PIKFYVE: variants seen among roughly 807,000 people sequenced by gnomAD.
PIKFYVE encodes phosphoinositide kinase, FYVE-type zinc finger containing.
In PIKFYVE, 122 loss-of-function variants were observed where a neutral mutation model predicts 257.9. That is an observed-to-expected ratio of 0.47 (90% CI 0.41 to 0.55). The LOEUF is 0.55. Among genes scored for constraint, PIKFYVE ranks in the 20% least tolerant of loss-of-function variants. The probability of loss-of-function intolerance (pLI) is 0.00; values close to 1 mark genes in which losing one functional copy is unlikely to be tolerated. For missense variants in PIKFYVE, 2,160 were observed against 2,536.6 expected, an observed-to-expected ratio of 0.85 and a Z score of 3.19; for synonymous variants, 892 against 868.9, an observed-to-expected ratio of 1.03 and a Z score of -0.47.
intron 12 of PIKFYVE, chr2:208,305,466 AT>A: frequency 1.1e-6 from 1 of 943,198 alleles, no homozygotes; most frequent in Non-Finnish European, 1.3e-6. Flanking sequence ...TCATTCACAC[AT>A]TCCAAAATAT....
At chr2:208,316,724 T>G (rs1695566644) in intron 15 of PIKFYVE, among the ~76,000 whole-genome samples, 2 of 152,302 alleles carry the variant, frequency 1.3e-5, no homozygotes, top group Admixed American at 1.3e-4. Flanking sequence ...GCTACCTGAC[T>G]TCAAACTATA....
At chr2:208,312,072 A>G (rs941362762) in intron 12 of PIKFYVE, among the ~76,000 whole-genome samples, 164 bp from the exon 13 acceptor site, 1 of 152,236 alleles carries the variant, frequency 6.6e-6, no homozygotes, top group Non-Finnish European at 1.5e-5. Context: ...ACAAGTATAA[A>G]GAGGCATTTT....
At chr2:208,299,273 C>G (rs1693381953) in intron 8 of PIKFYVE, among the ~76,000 whole-genome samples, 1 of 151,848 alleles carries the variant, frequency 6.6e-6, no homozygotes, top group African/African-American at 2.4e-5. Context: ...TTAATATTTT[C>G]TTTTCTTTCT....
At chr2:208,349,973 A>G (rs1002265072) in intron 35 of PIKFYVE, 51 bp from the exon 36 acceptor site, 25 of 1,604,956 alleles carry the variant, frequency 1.6e-5, no homozygotes, top group Non-Finnish European at 2.0e-5. Flanking sequence ...GACAAAATGA[A>G]CTGATAATTA....
chr2:208,301,848 TACAC>T (rs919500442), intron 9 of PIKFYVE, among the ~76,000 whole-genome samples: 1 of 152,036 alleles, frequency 6.6e-6, no homozygotes, highest in African/African-American at 2.4e-5. Flanking sequence ...TATATATATA[TACAC>T]ACACACACAT....
At chr2:208,266,966 T>C (rs1688720233) in intron 1 of PIKFYVE, among the ~76,000 whole-genome samples, 2 of 152,244 alleles carry the variant, frequency 1.3e-5, no homozygotes, top group Admixed American at 1.3e-4. Flanking sequence ...TACCCTTTGC[T>C]TAGAATGTTC....
At chr2:208,284,692 TTAA>T in intron 5 of PIKFYVE, among the ~76,000 whole-genome samples, 1 of 152,222 alleles carries the variant, frequency 6.6e-6, no homozygotes, top group East Asian at 1.9e-4. Context: ...AATAAAGACC[TTAA>T]TAATATTTTC....
At chr2:208,320,950 C>T (rs34408456) in intron 17 of PIKFYVE, among the ~76,000 whole-genome samples, 25,104 of 152,186 alleles carry the variant, frequency 0.16, 2,304 homozygotes, top group South Asian at 0.26. Flanking sequence ...ACCCGCATCT[C>T]TGTGTGGTTC....
At chr2:208,314,267 T>A (rs1243415916) in intron 13 of PIKFYVE, 27 bp from the exon 14 acceptor site, 1 of 1,603,520 alleles carries the variant, frequency 6.2e-7, no homozygotes, top group Non-Finnish European at 8.5e-7. Flanking sequence ...AATGAAGTAA[T>A]AACTTCTTAT....
Position 208,271,654 on chromosome 2 carries a change from T to C in PIKFYVE, c.135T>C (p.Ala45=). ...AAGATGAGCCCCCTTTTAAATCAGC[T>C]TATAGTTCTTTTGTAAATCTCTTTC... ...PDQDEPPFKS[A]YSSFVNLFRF... is the part of the protein sequence containing the mutation. The change falls in exon 2 of 42, where the codon GCT becomes GCC. Residue 45 remains alanine, a synonymous_variant. Transcript: ENST00000264380. 2 of 1,613,972 alleles carry C rather than the reference T, an allele frequency of 1.2e-6. No individual in the cohort carries two copies. Among genetic ancestry groups the C allele is most frequent in the Non-Finnish European group, 1.7e-6 (2 of 1,179,872 alleles).
chr2:208,325,195 G>C, intron 19 of PIKFYVE, 75 bp from the exon 20 acceptor site: 2 of 1,559,056 alleles, frequency 1.3e-6, no homozygotes, highest in East Asian at 4.6e-5. Flanking sequence ...GATATTAAGA[G>C]AGTGAATTAA....
chr2:208,305,967 C>T (rs1694268868), intron 12 of PIKFYVE, among the ~76,000 whole-genome samples: 1 of 152,092 alleles, frequency 6.6e-6, no homozygotes, highest in Non-Finnish European at 1.5e-5. Flanking sequence ...AAATGCTTGC[C>T]TAAGTTTTGC....
At chr2:208,355,008 C>T (rs1009697228) in intron 41 of PIKFYVE, among the ~76,000 whole-genome samples, 182 bp from the exon 42 acceptor site, 3 of 152,198 alleles carry the variant, frequency 2.0e-5, no homozygotes, top group African/African-American at 7.2e-5. Flanking sequence ...AACAGAAACT[C>T]GTACCAGGTA....
Position 208,293,269 on chromosome 2 carries a change from A to G in PIKFYVE, c.911+4451A>G, listed in dbSNP as rs1001719144. ...TTCACTTACATATAAGCATGCGTAC[A>G]TACATAATTGAATATATTGTTGCTA... is the stretch of plus-strand genomic sequence containing the variant. On this transcript the variant is annotated intron_variant, in intron 7 of 41. Coordinates refer to ENST00000264380, the MANE Select transcript of PIKFYVE (RefSeq NM_015040.4). 2.0e-5 allele frequency among the ~76,000 whole-genome samples: 3 copies of G among 152,110 alleles called. No individual in the cohort carries two copies. In the East Asian group the frequency reaches 5.8e-4, roughly 29 times the overall value.
rs1440571635 is a variant in PIKFYVE at position 208,302,253 on chromosome 2, T to C, written c.1220T>C (p.Ile407Thr). ...GGGTCTTGATTCAGGGCACAAGCTATAGCAATTGGACAAGCAATGGTTGAT... is the reference window on the plus strand; with the variant it reads ...GGGTCTTGATTCAGGGCACAAGCTACAGCAATTGGACAAGCAATGGTTGAT... Reference protein sequence around the residue: ...NGHIATRAQAIAIGQAMVDGR... With the variant: ...NGHIATRAQATAIGQAMVDGR... Residue 407 changes from isoleucine to threonine, a missense_variant, in exon 10 of 42, where the codon ATA (isoleucine) becomes ACA (threonine). Ile to Thr is a moderately conservative substitution (Grantham distance 89). Coordinates refer to ENST00000264380, the MANE Select transcript of PIKFYVE (RefSeq NM_015040.4). 1 of 1,614,102 alleles carries C rather than the reference T, an allele frequency of 6.2e-7. No homozygotes were observed. Among genetic ancestry groups the C allele is most frequent in the Admixed American group, 1.7e-5 (1 of 60,028 alleles).
intron 6 of PIKFYVE, among the ~76,000 whole-genome samples, chr2:208,288,175 G>A (rs528480807): frequency 1.3e-5 from 2 of 152,234 alleles, no homozygotes; most frequent in South Asian, 2.1e-4. Context: ...TAAATTTTAG[G>A]TTCTGTGCTA....
rs538849725 is a variant in PIKFYVE at position 208,314,563 on chromosome 2, G to A, written c.1826+140G>A. ...GTAAAAAAATACTAAGGTTACTTAG[G>A]AAATACAGTCTATTTTGACTTGTGA... On this transcript the variant is annotated intron_variant, in intron 14 of 41. Transcript: ENST00000264380. The A allele has an allele frequency of 3.8e-5, 40 of 1,045,878 alleles. No individual in the cohort carries two copies. The African/African-American group carries it at 5.7e-4, about 15-fold the overall frequency. The allele number at this position is 1,045,878 out of a possible 1,614,324, so 64.8% of individuals were successfully genotyped here.
intron 23 of PIKFYVE, among the ~76,000 whole-genome samples, chr2:208,331,526 G>A (rs573528526): frequency 1.3e-5 from 2 of 152,160 alleles, no homozygotes; most frequent in Admixed American, 6.5e-5. Flanking sequence ...ACAGGCATGC[G>A]CCACTATGCC....
intron 5 of PIKFYVE, among the ~76,000 whole-genome samples, chr2:208,279,629 A>G (rs2125080760): frequency 6.6e-6 from 1 of 152,326 alleles, no homozygotes; most frequent in Admixed American, 6.5e-5. Context: ...CTAGCCAGCT[A>G]TTCCAGTGCC....
Sources: gnomAD v4.1 joint callset for allele counts (sites outside exome capture counted in the v4.1 genomes callset) on GRCh38, gnomAD v4.1.1 for gene constraint, MANE v1.5 for transcripts, NCBI Gene and HGNC (gene_info 2026-07-23, HGNC 2026-07-21) for gene names.